ZNF385D: variants seen among roughly 807,000 people sequenced by gnomAD.
ZNF385D encodes the protein zinc finger protein 385D.
Under a neutral mutation model 35.8 loss-of-function variants are expected in ZNF385D, and 15 were observed. That is an observed-to-expected ratio of 0.42 (90% confidence interval 0.28 to 0.64). ZNF385D has a LOEUF of 0.64. ZNF385D is among the 30% of genes least tolerant of loss of function. ZNF385D has a pLI of 0.23. For missense variants in ZNF385D, 474 were observed against 494.6 expected (o/e 0.96, Z 0.39); for synonymous variants, 212 against 186.8 (o/e 1.13, Z -1.10).
At chr3:22,368,324 G>A (rs1696747882) in intron 2 of ZNF385D, among the ~76,000 whole-genome samples, 1 of 152,164 alleles carries the variant, frequency 6.6e-6, no homozygotes, top group African/African-American at 2.4e-5. Context: ...AAGTAGTACA[G>A]AATTATCTGA....
chr3:21,571,858 A>G (rs1273019763), intron 2 of ZNF385D, among the ~76,000 whole-genome samples: 1 of 152,228 alleles, frequency 6.6e-6, no homozygotes, highest in African/African-American at 2.4e-5. Flanking sequence ...CTAGGAGGAT[A>G]CTGAATCAGA....
intron 3 of ZNF385D, among the ~76,000 whole-genome samples, chr3:21,851,469 G>C (rs1696384297): frequency 6.6e-6 from 1 of 151,934 alleles, no homozygotes; most frequent in African/African-American, 2.4e-5. Context: ...ACTTGTACAT[G>C]AATGTTCACA....
chr3:21,625,837 A>G (rs200665638), intron 2 of ZNF385D, among the ~76,000 whole-genome samples: 20 of 152,284 alleles, frequency 1.3e-4, no homozygotes, highest in East Asian at 1.9e-4. Context: ...GAATACTTTT[A>G]TCATCACAGA....
chr3:21,795,737 C>T (rs1487732420), intron 3 of ZNF385D, among the ~76,000 whole-genome samples: 1 of 152,034 alleles, frequency 6.6e-6, no homozygotes, highest in East Asian at 1.9e-4. Context: ...ACTTGGCAAA[C>T]AAATTAAAAA....
intron 2 of ZNF385D, among the ~76,000 whole-genome samples, chr3:21,611,246 G>A (rs534201287): frequency 2.2e-4 from 34 of 152,298 alleles, no homozygotes; most frequent in African/African-American, 7.9e-4. Flanking sequence ...GTTCATGGGA[G>A]CCACCCTACC....
intron 3 of ZNF385D, among the ~76,000 whole-genome samples, chr3:21,778,083 AAT>A (rs1309124477): frequency 6.6e-6 from 1 of 151,940 alleles, no homozygotes; most frequent in Non-Finnish European, 1.5e-5. Flanking sequence ...ATGGCAAACT[AAT>A]ATAATTCCCT....
intron 3 of ZNF385D, among the ~76,000 whole-genome samples, chr3:22,135,483 C>G (rs1022933401): frequency 6.6e-6 from 1 of 152,012 alleles, no homozygotes. Context: ...TCTACAAAGC[C>G]TTAAATAAAT....
At chr3:22,263,990 CCTG>C (rs1210079657) in intron 2 of ZNF385D, among the ~76,000 whole-genome samples, 2 of 151,764 alleles carry the variant, frequency 1.3e-5, no homozygotes, top group South Asian at 2.1e-4. Flanking sequence ...ACTTTCTTTC[CCTG>C]CTTATTGTCT....
intron 3 of ZNF385D, among the ~76,000 whole-genome samples, chr3:21,814,623 G>A (rs773495110): frequency 9.2e-5 from 14 of 152,132 alleles, no homozygotes; most frequent in Non-Finnish European, 1.8e-4. Flanking sequence ...ATTTCAACAA[G>A]AAGAGCTAAC....
intron 3 of ZNF385D, among the ~76,000 whole-genome samples, chr3:22,152,159 C>G (rs1365111252): frequency 6.6e-6 from 1 of 152,112 alleles, no homozygotes; most frequent in South Asian, 2.1e-4. Context: ...CCAGCTCCAC[C>G]CATGTTCTTG....
chr3:21,696,767 GA>G (rs2067485313), intron 1 of ZNF385D, among the ~76,000 whole-genome samples: 1 of 152,160 alleles, frequency 6.6e-6, no homozygotes, highest in Non-Finnish European at 1.5e-5. Flanking sequence ...TATTGTGGGG[GA>G]AAATCTACTC....
At chr3:22,190,083 G>A (rs1695912834) in intron 2 of ZNF385D, among the ~76,000 whole-genome samples, 1 of 152,054 alleles carries the variant, frequency 6.6e-6, no homozygotes, top group African/African-American at 2.4e-5. Context: ...GTGTAACGAA[G>A]CAATAAAAAA....
At chr3:21,810,998 G>GTGTGTGTGTGTA (rs576386621) in intron 3 of ZNF385D, among the ~76,000 whole-genome samples, 34 of 144,506 alleles carry the variant, frequency 2.4e-4, no homozygotes, top group African/African-American at 8.4e-4. Flanking sequence ...GTGTGTGTGT[G>GTGTGTGTGTGTA]TATATATATA....
At chr3:21,864,577 G>C (rs1042591887) in intron 3 of ZNF385D, among the ~76,000 whole-genome samples, 14 of 151,880 alleles carry the variant, frequency 9.2e-5, no homozygotes, top group South Asian at 2.1e-4. Context: ...GCACAGTATG[G>C]GTTTTGACTA....
intron 3 of ZNF385D, among the ~76,000 whole-genome samples, chr3:22,063,681 A>T (rs752274221): frequency 2.0e-5 from 3 of 152,178 alleles, no homozygotes; most frequent in Non-Finnish European, 4.4e-5. Flanking sequence ...GCGTGCTGAT[A>T]GCCCTCAGCT....
At chr3:22,076,010 A>T (rs573050338) in intron 3 of ZNF385D, among the ~76,000 whole-genome samples, 2 of 151,904 alleles carry the variant, frequency 1.3e-5, no homozygotes, top group Non-Finnish European at 2.9e-5. Flanking sequence ...AAACTGCAAA[A>T]TATATATGAA....
intron 2 of ZNF385D, among the ~76,000 whole-genome samples, chr3:22,214,987 G>A (rs559016843): frequency 3.0e-4 from 46 of 151,928 alleles, no homozygotes; most frequent in East Asian, 1.2e-3. Context: ...GGGGCATCAC[G>A]GAACCTGCCG....
Position 22,132,576 on chromosome 3 carries a change from C to T in ZNF385D, c.325+36241G>A, listed in dbSNP as rs192728464. Among the ~76,000 whole-genome samples, 6 of 152,108 alleles carry T rather than the reference C, an allele frequency of 3.9e-5. No homozygotes were observed. The East Asian group carries it at 9.7e-4, about 25-fold the overall frequency. On this transcript the variant is annotated intron_variant, in intron 3 of 5. Coordinates refer to the ZNF385D transcript ENST00000494108. ...TAGCCCAAATTTATTTCAACATATG[C>T]CTCAATATACTATAAGACCAATGTT... is the stretch of plus-strand genomic sequence containing the variant.
Position 21,917,669 on chromosome 3 carries a change from G to GA in ZNF385D, c.325+251147dup, listed in dbSNP as rs1339338483. 3.3e-5 allele frequency among the ~76,000 whole-genome samples: 5 copies of GA among 152,180 alleles called. No homozygotes were observed. The South Asian group carries it at 8.3e-4, about 25-fold the overall frequency. On this transcript the variant is annotated intron_variant, in intron 3 of 5. Transcript: ENST00000494108. ...TTTTAAAGTCATATACACAGGAACA[G>GA]AAAAAAATTTGTCATGGATTCTTTT...
Sources: allele counts gnomAD v4.1 joint callset (sites outside exome capture counted in the v4.1 genomes callset), GRCh38; gene constraint gnomAD v4.1.1; transcripts MANE v1.5; gene names NCBI Gene and HGNC (gene_info 2026-07-23, HGNC 2026-07-21).